The following PSMD4 variants were observed in gnomAD, a reference collection of about 807,000 sequenced individuals.
PSMD4 encodes 26S proteasome non-ATPase regulatory subunit 4.
A neutral mutation model predicts 39.7 loss-of-function variants in PSMD4; 5 were observed. The ratio of observed to expected loss-of-function variants is 0.13; its 90% CI spans 0.07 to 0.26. The LOEUF (loss-of-function observed/expected upper bound fraction) is 0.26. Ranked by LOEUF, PSMD4 falls within the 10% of genes least tolerant of loss-of-function variation. PSMD4 has a pLI of 1.00. For synonymous variants in PSMD4, 143 were observed against 174.6 expected (o/e 0.82, Z 1.43); for missense variants, 272 against 486.1 (o/e 0.56, Z 4.14).
intron 2 of PSMD4, chr1:151,262,528 G>T: frequency 1.8e-6 from 1 of 554,434 alleles, no homozygotes; most frequent in Non-Finnish European, 3.2e-6. Context: ...ATTGTTTGTT[G>T]GGCAGGGCTA....
At chr1:151,265,654 G>T (rs1376826013) in intron 6 of PSMD4, 45 bp downstream of exon 6, 4 of 1,573,818 alleles carry the variant, frequency 2.5e-6, no homozygotes, top group Admixed American at 1.7e-5. Context: ...GTCCCTCTTT[G>T]TTCTCTTCTG....
intron 1 of PSMD4, 82 bp downstream of exon 1, chr1:151,254,890 G>A (rs192780877): frequency 0.018 from 22,840 of 1,290,104 alleles, 500 homozygotes; most frequent in Non-Finnish European, 0.02. Flanking sequence ...CCTGGGGTGG[G>A]GGCCAGGGGC....
chr1:151,266,039 G>T lies in PSMD4; in HGVS notation c.690G>T (p.Arg230=). Residue 230 remains arginine (R), a synonymous_variant, in exon 7 of 10, where the codon CGG becomes CGT. Coordinates refer to ENST00000368884, the MANE Select transcript of PSMD4 (RefSeq NM_002810.4). ...TATCTATGGAAGAGCAGCGGCAGCG[G>T]CAGGAGGAGGAGGCCCGGCGGGCAG... ...LRVSMEEQRQ[R]QEEEARRAAA... 1.2e-6 allele frequency: 2 copies of T among 1,606,978 alleles called. No homozygotes were observed. Among genetic ancestry groups the T allele is most frequent in the Non-Finnish European group, 1.7e-6 (2 of 1,176,640 alleles).
In PSMD4 at chr1:151,264,007, C is replaced by T. The variant is rs1395269158; in HGVS notation, c.261C>T (p.Cys87=). Residue 87 remains cysteine, a synonymous_variant, in exon 3 of 10, where the codon TGC becomes TGT. Transcript: ENST00000368884. The stretch of plus-strand genomic sequence containing the variant: ...AACCCAAGGGCAAGATCACCTTCTG[C>T]ACGGGCATCCGCGTGGCCCATGTGA... ...TVQPKGKITF[C]TGIRVAHLAL... The T allele has an allele frequency of 6.2e-7, 1 of 1,601,336 alleles. No individual in the cohort carries two copies. The highest frequency in any genetic ancestry group is 8.5e-7 in the Non-Finnish European group (1 of 1,173,812).
At chr1:151,267,099 T>C (rs1460237828) in intron 9 of PSMD4, 74 bp from the exon 10 acceptor site, 3 of 1,565,288 alleles carry the variant, frequency 1.9e-6, no homozygotes, top group East Asian at 2.2e-5. Flanking sequence ...GGCAGCGGCA[T>C]GCTCCTGTCC....
intron 1 of PSMD4, among the ~76,000 whole-genome samples, chr1:151,258,045 T>C (rs1350815285): frequency 6.6e-6 from 1 of 151,590 alleles, no homozygotes; most frequent in African/African-American, 2.4e-5. Flanking sequence ...TTTTTTGAGA[T>C]GGAGTCTCGC....
chr1:151,264,127 C>T (rs1288799429), intron 3 of PSMD4, 99 bp downstream of exon 3: 1 of 894,502 alleles, frequency 1.1e-6, no homozygotes, highest in Non-Finnish European at 1.7e-6. Context: ...AGGACCAGAG[C>T]AAGAGAAAGC....
chr1:151,262,614 T>G lies in PSMD4; in HGVS notation c.167+313T>G, dbSNP rs969186351. 7 of 295,430 alleles carry G rather than the reference T, an allele frequency of 2.4e-5. No homozygotes were observed. In the South Asian group the frequency reaches 2.5e-4, roughly 10 times the overall value. The allele number at this position is 295,430 out of a possible 1,614,324, so 18.3% of individuals were successfully genotyped here. ...TTTGGGCTGGGCACAGTGGCTCATG[T>G]CTGTAATCCCAAGAGTTTGAGACCA... is the stretch of plus-strand genomic sequence containing the variant. On this transcript the variant is annotated intron_variant, in intron 2 of 9. Transcript: ENST00000368884.
intron 5 of PSMD4, 77 bp from the exon 6 acceptor site, chr1:151,265,317 T>C: frequency 6.3e-7 from 1 of 1,594,808 alleles, no homozygotes; most frequent in Admixed American, 1.7e-5. Flanking sequence ...GCGGGTACTG[T>C]GGCAGAGTAG....
chr1:151,256,359 ATAATAAAAT>A (rs1693168165), intron 1 of PSMD4, among the ~76,000 whole-genome samples: 15 of 51,396 alleles, frequency 2.9e-4, no homozygotes, highest in South Asian at 9.6e-4. Context: ...AAAAAAAATA[ATAATAAAAT>A]AAATAAATAA....
chr1:151,256,499 C>T (rs1367902783), intron 1 of PSMD4, among the ~76,000 whole-genome samples: 2 of 143,922 alleles, frequency 1.4e-5, no homozygotes, highest in East Asian at 2.0e-4. Flanking sequence ...AGTACAGTGG[C>T]GCCATCTCAG....
rs16833109 is a variant in PSMD4 at position 151,263,885 on chromosome 1, T to C, written c.168-29T>C. The C allele has an allele frequency of 1.9e-3, 2,703 of 1,455,428 alleles. 49 individuals carry two copies. In the African/African-American group the frequency reaches 0.034, roughly 18 times the overall value. 90.2% of individuals were successfully genotyped at this position (1,455,428 alleles called of 1,614,324 possible). A position where few individuals can be genotyped will look rare whatever the true frequency, so the allele number is the denominator to read the frequency against. Reference sequence around the variant, plus strand: ...TTAGAGGTACTTGTGCTGACCTGAATTCACTGAAATGCTTTTCCTACATCC... The same window carrying C: ...TTAGAGGTACTTGTGCTGACCTGAACTCACTGAAATGCTTTTCCTACATCC... On this transcript the variant is annotated intron_variant, in intron 2 of 9. Transcript: ENST00000368884.
chr1:151,255,188 C>T (rs1190592697), intron 1 of PSMD4, among the ~76,000 whole-genome samples: 1 of 152,222 alleles, frequency 6.6e-6, no homozygotes, highest in Non-Finnish European at 1.5e-5. Context: ...TTATTAATCC[C>T]TTCCTCTCCC....
rs201818979 is a variant in PSMD4 at position 151,265,120 on chromosome 1, C to T, written c.370-46C>T. ...TTTATGCGGCGGGTCCTTTCCCCCC[C>T]TCGAGTATGGAACAGATTTCTTGAT... On this transcript the variant is annotated intron_variant, in intron 4 of 9. Coordinates refer to ENST00000368884, the MANE Select transcript of PSMD4 (RefSeq NM_002810.4). The T allele has an allele frequency of 1.2e-5, 18 of 1,458,230 alleles. No homozygotes were observed. The South Asian group carries it at 1.2e-4, about 10-fold the overall frequency. 90.3% of individuals were successfully genotyped at this position (1,458,230 alleles called of 1,614,324 possible). A position where few individuals can be genotyped will look rare whatever the true frequency, so the allele number is the denominator to read the frequency against.
At chr1:151,262,900 C>T (rs1693344928) in intron 2 of PSMD4, 1 of 153,468 alleles carries the variant, frequency 6.5e-6, no homozygotes, top group Admixed American at 6.5e-5. Context: ...TCCTTTTACC[C>T]TGAAAGTGTT....
At chr1:151,256,748 C>CT (rs781402832) in intron 1 of PSMD4, among the ~76,000 whole-genome samples, 168 of 130,472 alleles carry the variant, frequency 1.3e-3, no homozygotes, top group Middle Eastern at 6.3e-3. Flanking sequence ...CCTTTGCCCA[C>CT]TTTTTTTTTT....
chr1:151,262,176 G>T lies in PSMD4; in HGVS notation c.42G>T (p.Glu14Asp), dbSNP rs767373095. 2 of 1,614,154 alleles carry T rather than the reference G, an allele frequency of 1.2e-6. No homozygotes were observed. Among genetic ancestry groups the T allele is most frequent in the East Asian group, 4.5e-5 (2 of 44,884 alleles). Residue 14 changes from glutamate (E) to aspartate (D), a missense_variant, in exon 2 of 10, where the codon GAG (glutamate) becomes GAT (aspartate). Around this residue, in one of 3 missense-constraint regions of PSMD4, gnomAD observed 153 missense variants for 257.6 expected, o/e 0.59. Coordinates refer to ENST00000368884, the MANE Select transcript of PSMD4 (RefSeq NM_002810.4). ...AATCTGACAGTGTGGACAACAGTGA[G>T]TATATGCGGAATGGAGACTTCTTAC... ...ESTMVCVDNS[E>D]YMRNGDFLPT...
In PSMD4 at chr1:151,265,170, T is replaced by C. The variant is rs1421161552; in HGVS notation, c.374T>C (p.Val125Ala). The change falls in exon 5 of 10, where the codon GTG becomes GCG. Residue 125 changes from valine to alanine, a missense_variant. Physicochemically the swap from Val to Ala is moderately conservative, Grantham distance 64 (BLOSUM62 0). Around this residue, in one of 3 missense-constraint regions of PSMD4, gnomAD observed 153 missense variants for 257.6 expected, o/e 0.59. Transcript: ENST00000368884. ...TTTTTCTCCCCTTCTTCCCAGCTGG[T>C]GAAACTGGCTAAACGCCTCAAGAAG... ...SPVEDNEKDL[V>A]KLAKRLKKEK... 6.2e-7 allele frequency: 1 copy of C among 1,610,868 alleles called. No individual in the cohort carries two copies. Among genetic ancestry groups the C allele is most frequent in the African/African-American group, 1.3e-5 (1 of 74,668 alleles).
chr1:151,258,090 C>G (rs181390283), intron 1 of PSMD4, among the ~76,000 whole-genome samples: 98 of 151,958 alleles, frequency 6.4e-4, no homozygotes, highest in African/African-American at 2.3e-3. Context: ...GTGGCGCCAT[C>G]TCGGCTCACT....
Sources: allele counts gnomAD v4.1 joint callset (sites outside exome capture counted in the v4.1 genomes callset), GRCh38; gene constraint gnomAD v4.1.1; regional missense constraint gnomAD v4.1.1; transcripts MANE v1.5; gene names NCBI Gene and HGNC (gene_info 2026-07-23, HGNC 2026-07-21).